ANOS1: variants seen among roughly 807,000 people sequenced by gnomAD.
ANOS1 encodes anosmin 1, also known as anosmin-1.
ANOS1 carries 6 observed loss-of-function variants against 59.0 expected under a neutral mutation model. The observed-to-expected ratio is 0.10, with a 90% confidence interval of 0.06 to 0.20. ANOS1 has a LOEUF of 0.20. Among genes scored for constraint, ANOS1 ranks in the 10% least tolerant of loss-of-function variants. The pLI, the probability that ANOS1 is intolerant of heterozygous loss-of-function variation, is 1.00. For missense variants in ANOS1, 433 were observed against 542.3 expected (o/e 0.80, Z 2.00); for synonymous variants, 217 against 223.4 (o/e 0.97, Z 0.25).
rs954701147 is a variant in ANOS1, at chrX:8,531,308, C to A, written c.*1687G>T. On this transcript the variant is annotated 3_prime_UTR_variant, in exon 14 of 14. Transcript: ENST00000262648. ...TTCCCTGCATTTTAATTTGCATCTA[C>A]CTTTAGACACTGCAGTGAGGCTCTG... 9.0e-6 allele frequency: 1 copy of A among 111,336 alleles called. No homozygotes were observed. Among genetic ancestry groups the A allele is most frequent in the Non-Finnish European group, 1.9e-5 (1 of 53,083 alleles). 9.2% of individuals were successfully genotyped at this position (111,336 alleles called of 1,213,427 possible). A position where few individuals can be genotyped will look rare whatever the true frequency, so the allele number is the denominator to read the frequency against.
At position 8,570,521 on chromosome X, in the gene ANOS1, T is replaced by C. The variant is rs1223770991; in HGVS notation, c.1040A>G (p.Lys347Arg). The change falls in exon 7 of 14, where the codon AAG (lysine) becomes AGG (arginine). Residue 347 changes from lysine to arginine, a missense_variant. Physicochemically the swap from Lys to Arg is conservative, Grantham distance 26. Coordinates refer to ENST00000262648, the MANE Select transcript of ANOS1 (RefSeq NM_000216.4). ...SSKSLVPTKK[K>R]RRKTTDGFQN... ...CACCCCATCCGTAGTCTTTCTCCGC[T>C]TCTTCTTTGTTGGGACAAGAGACTT... is the stretch of plus-strand genomic sequence containing the variant. The C allele has an allele frequency of 3.3e-6, 4 of 1,208,702 alleles. No individual in the cohort carries two copies. The highest frequency in any genetic ancestry group is 4.5e-6 in the Non-Finnish European group (4 of 893,954).
At chrX:8,682,354 C>T (rs1394427386) in intron 2 of ANOS1, among the ~76,000 whole-genome samples, 1 of 101,621 alleles carries the variant, frequency 9.8e-6, no homozygotes, top group African/African-American at 3.7e-5. Context: ...GAGAATTTCA[C>T]CACACACACA....
At chrX:8,714,019 C>A (rs970658530) in intron 1 of ANOS1, among the ~76,000 whole-genome samples, 1 of 112,097 alleles carries the variant, frequency 8.9e-6, no homozygotes, top group Non-Finnish European at 1.9e-5. Flanking sequence ...GAAAGAACAA[C>A]CCTCTTTGTA....
intron 2 of ANOS1, among the ~76,000 whole-genome samples, chrX:8,658,622 A>G (rs938269261): frequency 2.0e-4 from 22 of 112,409 alleles, no homozygotes; most frequent in African/African-American, 7.1e-4. Flanking sequence ...AGGGGGTCAC[A>G]AAAATTCGAA....
chrX:8,666,984 C>T (rs1949198481), intron 2 of ANOS1, among the ~76,000 whole-genome samples: 1 of 111,734 alleles, frequency 8.9e-6, no homozygotes, highest in Non-Finnish European at 1.9e-5. Context: ...AAAATATACC[C>T]TGCTCTAGGC....
chrX:8,674,766 A>G (rs750359318), intron 2 of ANOS1, among the ~76,000 whole-genome samples: 1 of 112,525 alleles, frequency 8.9e-6, no homozygotes, highest in South Asian at 3.7e-4. Flanking sequence ...ATGGAACTGA[A>G]GACTTCATAA....
In ANOS1 at chrX:8,635,971, C is replaced by A. The variant is rs141619179; in HGVS notation, c.256-12301G>T. Among the ~76,000 whole-genome samples the A allele has an allele frequency of 6.2e-3, 686 of 111,090 alleles. 3 individuals are homozygous for A. Among genetic ancestry groups the A allele is most frequent in the African/African-American group, 0.02 (620 of 30,549 alleles). ...GCGTAACTCAACTGGAATCACCAGT[C>A]ACAGCATTCGAAGAACTTAAACAGC... On this transcript the variant is annotated intron_variant, in intron 2 of 13. Coordinates refer to ENST00000262648, the MANE Select transcript of ANOS1 (RefSeq NM_000216.4).
At chrX:8,591,259 G>A in intron 4 of ANOS1, among the ~76,000 whole-genome samples, 1 of 111,399 alleles carries the variant, frequency 9.0e-6, no homozygotes, top group South Asian at 3.8e-4. Context: ...TACCGAAGGG[G>A]ATAAGGCGAG....
At chrX:8,555,709 A>G (rs1057381721) in intron 8 of ANOS1, among the ~76,000 whole-genome samples, 4 of 112,012 alleles carry the variant, frequency 3.6e-5, no homozygotes, top group African/African-American at 1.3e-4. Flanking sequence ...ATAATAGCCT[A>G]CCAACCAAAA....
At chrX:8,573,351 C>T (rs192720385) in intron 6 of ANOS1, among the ~76,000 whole-genome samples, 201 of 111,136 alleles carry the variant, frequency 1.8e-3, no homozygotes, top group African/African-American at 6.2e-3. Flanking sequence ...ATGTGAGCCA[C>T]CACGCCTGGT....
chrX:8,707,988 G>A (rs1378400599), intron 1 of ANOS1, among the ~76,000 whole-genome samples: 2 of 112,488 alleles, frequency 1.8e-5, no homozygotes, highest in East Asian at 2.8e-4. Flanking sequence ...CACTTTGGGA[G>A]GCTGAGGCGG....
At chrX:8,655,418 G>A (rs1404910842) in intron 2 of ANOS1, among the ~76,000 whole-genome samples, 3 of 111,794 alleles carry the variant, frequency 2.7e-5, no homozygotes, top group Non-Finnish European at 1.9e-5. Flanking sequence ...GTGAGTAGCT[G>A]TAAATACAGA....
At chrX:8,554,184 T>C (rs1929903024) in intron 8 of ANOS1, 86 bp from the exon 9 acceptor site, 2 of 721,697 alleles carry the variant, frequency 2.8e-6, no homozygotes, top group Non-Finnish European at 4.3e-6. Flanking sequence ...ACAGCTCCAT[T>C]ATGCAGCTTC....
chrX:8,685,546 G>A (rs1932496294), intron 2 of ANOS1, among the ~76,000 whole-genome samples: 1 of 73,419 alleles, frequency 1.4e-5, no homozygotes, highest in African/African-American at 6.4e-5. Context: ...GAGGAGAAGG[G>A]GAAGAAAGAA....
At chrX:8,705,547 G>A (rs963886361) in intron 1 of ANOS1, among the ~76,000 whole-genome samples, 14 of 111,460 alleles carry the variant, frequency 1.3e-4, no homozygotes, top group Non-Finnish European at 2.3e-4. Context: ...CATCAGGGAT[G>A]CCAATAAACC....
intron 2 of ANOS1, among the ~76,000 whole-genome samples, chrX:8,626,111 CA>C (rs138234272): frequency 0.034 from 843 of 24,447 alleles, 4 homozygotes; most frequent in African/African-American, 0.1. Flanking sequence ...GACTCTGTCT[CA>C]AAAAAAAAAA....
intron 9 of ANOS1, among the ~76,000 whole-genome samples, chrX:8,544,836 G>A (rs1395270710): frequency 1.8e-5 from 2 of 109,521 alleles, no homozygotes; most frequent in African/African-American, 3.3e-5. Context: ...GGAGGCTGAG[G>A]TGGGTGGATC....
intron 6 of ANOS1, among the ~76,000 whole-genome samples, chrX:8,580,174 T>C (rs1242005172): frequency 8.9e-6 from 1 of 112,405 alleles, no homozygotes; most frequent in African/African-American, 3.2e-5. Context: ...AGGAATGACC[T>C]GTGAAGGTAA....
chrX:8,535,829 G>T lies in ANOS1; in HGVS notation c.1622-18C>A. On this transcript the variant is annotated intron_variant, in intron 11 of 13. Transcript: ENST00000262648. ...AACATGACCTGCAGCAATGCAAGAA[G>T]GAAAACCAGGATTAGGCGACTGGAG... is the stretch of plus-strand genomic sequence containing the variant. The T allele has an allele frequency of 4.3e-6, 5 of 1,161,435 alleles. No homozygotes were observed. The highest frequency in any genetic ancestry group is 5.9e-6 in the Non-Finnish European group (5 of 849,472).
Sources: gnomAD v4.1 joint callset for allele counts (sites outside exome capture counted in the v4.1 genomes callset) on GRCh38, gnomAD v4.1.1 for gene constraint, MANE v1.5 for transcripts, NCBI Gene and HGNC (gene_info 2026-07-23, HGNC 2026-07-21) for gene names.